The following RCBTB2 variants were observed in gnomAD, a reference collection of about 807,000 sequenced individuals.
RCBTB2 encodes RCC1 and BTB domain-containing protein 2.
Under a neutral mutation model 65.4 loss-of-function variants are expected in RCBTB2, and 55 were observed. The observed-to-expected ratio is 0.84, with a 90% CI of 0.68 to 1.05. The LOEUF is 1.05. RCBTB2 is among the 50% of genes least tolerant of loss of function. The pLI, the probability that RCBTB2 is intolerant of heterozygous loss-of-function variation, is 0.00. For missense variants in RCBTB2, 599 were observed against 680.1 expected, an observed-to-expected ratio of 0.88 and a Z score of 1.33; for synonymous variants, 220 against 255.2, an observed-to-expected ratio of 0.86 and a Z score of 1.31.
At chr13:48,499,431 TTCTC>T (rs1228889860) in intron 13 of RCBTB2, among the ~76,000 whole-genome samples, 186 bp downstream of exon 13, 7 of 152,218 alleles carry the variant, frequency 4.6e-5, no homozygotes, top group Non-Finnish European at 4.4e-5. Flanking sequence ...GATTTGATTC[TTCTC>T]TCTCTTATCT....
chr13:48,504,960 C>G (rs1950420983), intron 10 of RCBTB2, among the ~76,000 whole-genome samples: 2 of 152,024 alleles, frequency 1.3e-5, no homozygotes, highest in Non-Finnish European at 2.9e-5. Context: ...GAAAACCACC[C>G]AAAAATACTA....
intron 1 of RCBTB2, among the ~76,000 whole-genome samples, chr13:48,531,419 C>T (rs1403514373): frequency 2.0e-5 from 3 of 152,174 alleles, no homozygotes; most frequent in African/African-American, 7.2e-5. Flanking sequence ...AAAGCCGAAC[C>T]AGCAGTACAA....
chr13:48,534,302 G>C (rs765939681), upstream of RCBTB2, among the ~76,000 whole-genome samples: 3 of 152,196 alleles, frequency 2.0e-5, no homozygotes, highest in Non-Finnish European at 4.4e-5. Context: ...CTCAGAAAAA[G>C]CTCACTTCAG....
At chr13:48,499,111 A>AACAC (rs142443945) in intron 13 of RCBTB2, among the ~76,000 whole-genome samples, 4,327 of 105,710 alleles carry the variant, frequency 0.041, 84 homozygotes, top group African/African-American at 0.052. Context: ...CCCCCACCCC[A>AACAC]ACACACACAC....
chr13:48,494,607 A>T (rs1023121666), intron 14 of RCBTB2, among the ~76,000 whole-genome samples: 1 of 152,212 alleles, frequency 6.6e-6, no homozygotes, highest in African/African-American at 2.4e-5. Flanking sequence ...CAGACAAATA[A>T]TTCACATAAA....
chr13:48,508,855 AC>A (rs1233375770), intron 10 of RCBTB2, among the ~76,000 whole-genome samples: 1 of 152,046 alleles, frequency 6.6e-6, no homozygotes, highest in Non-Finnish European at 1.5e-5. Flanking sequence ...TCTTTCTCCC[AC>A]CTTGACGCCC....
At chr13:48,532,766 G>A (rs1952231737) in intron 1 of RCBTB2, 1 of 308,434 alleles carries the variant, frequency 3.2e-6, no homozygotes, top group South Asian at 2.3e-5. Flanking sequence ...CATGCGCAGG[G>A]CCGCCTCTGC....
intron 14 of RCBTB2, among the ~76,000 whole-genome samples, chr13:48,491,011 G>A (rs1348964860): frequency 6.6e-6 from 1 of 152,178 alleles, no homozygotes; most frequent in African/African-American, 2.4e-5. Flanking sequence ...CTGGAGAAGT[G>A]AGGGCAGGGT....
At chr13:48,527,241 ATAT>A (rs1037544834) in intron 1 of RCBTB2, among the ~76,000 whole-genome samples, 2 of 147,622 alleles carry the variant, frequency 1.4e-5, no homozygotes, top group Admixed American at 1.3e-4. Flanking sequence ...GATGACAGTA[ATAT>A]TATCTTACTA....
chr13:48,532,528 G>A (rs763939800), intron 1 of RCBTB2: 67 of 168,966 alleles, frequency 4.0e-4, no homozygotes, highest in Admixed American at 7.7e-4. Flanking sequence ...TGGGTTAGGA[G>A]GGAGAAACTT....
At chr13:48,500,248 A>T (rs1011901382) in intron 12 of RCBTB2, among the ~76,000 whole-genome samples, 2 of 152,176 alleles carry the variant, frequency 1.3e-5, no homozygotes, top group Admixed American at 1.3e-4. Flanking sequence ...ATCCAATATG[A>T]CTGGCATCTT....
At chr13:48,501,483 G>A (rs116358336) in intron 12 of RCBTB2, among the ~76,000 whole-genome samples, 2,601 of 152,224 alleles carry the variant, frequency 0.017, 70 homozygotes, top group African/African-American at 0.057. Flanking sequence ...TGGAGCGTGC[G>A]CTGGCTGCTC....
chr13:48,504,725 TCAA>T (rs1009963098), intron 10 of RCBTB2, among the ~76,000 whole-genome samples: 2 of 152,214 alleles, frequency 1.3e-5, no homozygotes, highest in African/African-American at 4.8e-5. Flanking sequence ...TGAGGAAGAC[TCAA>T]CAACACAGAG....
At chr13:48,527,478 C>A (rs2138652161) in intron 1 of RCBTB2, among the ~76,000 whole-genome samples, 1 of 149,216 alleles carries the variant, frequency 6.7e-6, no homozygotes, top group East Asian at 1.9e-4. Flanking sequence ...ACTGTTTTTA[C>A]AGAATCTTAT....
intron 14 of RCBTB2, among the ~76,000 whole-genome samples, chr13:48,490,654 C>T (rs1949659807): frequency 6.6e-6 from 1 of 152,164 alleles, no homozygotes; most frequent in Non-Finnish European, 1.5e-5. Context: ...TTAAGTATGT[C>T]TGCCTATAAA....
intron 10 of RCBTB2, among the ~76,000 whole-genome samples, chr13:48,503,416 T>A (rs1179564838): frequency 6.6e-6 from 1 of 152,160 alleles, no homozygotes; most frequent in Non-Finnish European, 1.5e-5. Context: ...TTGCACAGAG[T>A]AAATTCAGTA....
chr13:48,523,714 C>T (rs1225755838), intron 2 of RCBTB2, among the ~76,000 whole-genome samples: 1 of 152,164 alleles, frequency 6.6e-6, no homozygotes, highest in East Asian at 1.9e-4. Flanking sequence ...CTGCACTACC[C>T]TAGGCCCCCT....
At chr13:48,493,315 A>ACTCTCTCTCTCTCTCTCTCTCTCT (rs3085593) in intron 14 of RCBTB2, among the ~76,000 whole-genome samples, 2 of 75,080 alleles carry the variant, frequency 2.7e-5, no homozygotes, top group Admixed American at 1.4e-4. Context: ...ACACACACAC[A>ACTCTCTCTCTCTCTCTCTCTCTCT]CTCTCTCTCT....
At chr13:48,503,063 CAT>C (rs1474259415) in intron 10 of RCBTB2, 149 bp from the exon 11 acceptor site, 2 of 819,096 alleles carry the variant, frequency 2.4e-6, no homozygotes, top group East Asian at 2.9e-5. Flanking sequence ...CAAACCACCA[CAT>C]GACTCATACA....
Sources: allele counts gnomAD v4.1 joint callset (sites outside exome capture counted in the v4.1 genomes callset), GRCh38; gene constraint gnomAD v4.1.1; transcripts MANE v1.5; gene names NCBI Gene and HGNC (gene_info 2026-07-23, HGNC 2026-07-21).